PARD3: variants seen among roughly 807,000 people sequenced by gnomAD.
PARD3 encodes par-3 family cell polarity regulator.
Under a neutral mutation model 155.4 loss-of-function variants are expected in PARD3, and 75 were observed. The observed-to-expected ratio is 0.48, with a 90% CI of 0.40 to 0.58. PARD3 has a LOEUF of 0.58. PARD3 is among the 20% of genes least tolerant of loss of function. PARD3 has a pLI of 0.00. For missense variants in PARD3, 1,642 were observed against 1,721.7 expected (o/e 0.95, Z 0.82); for synonymous variants, 576 against 610.5 (o/e 0.94, Z 0.83).
chr10:34,556,493 T>C (rs894271272), intron 2 of PARD3, among the ~76,000 whole-genome samples: 2 of 151,474 alleles, frequency 1.3e-5, no homozygotes, highest in African/African-American at 4.8e-5. Context: ...CGCCATTCTC[T>C]CGCCTCAGCC....
At chr10:34,174,567 G>A (rs1046108597) in intron 22 of PARD3, among the ~76,000 whole-genome samples, 2 of 152,180 alleles carry the variant, frequency 1.3e-5, no homozygotes, top group Non-Finnish European at 2.9e-5. Flanking sequence ...GAGGCCACCT[G>A]TCTGGCTGGC....
chr10:34,306,770 T>C (rs1957432145), intron 20 of PARD3, among the ~76,000 whole-genome samples: 1 of 152,226 alleles, frequency 6.6e-6, no homozygotes, highest in Non-Finnish European at 1.5e-5. Flanking sequence ...GAGACGGCAG[T>C]GACATTGCCT....
chr10:34,600,746 T>C (rs992395826), intron 2 of PARD3, among the ~76,000 whole-genome samples: 1 of 152,148 alleles, frequency 6.6e-6, no homozygotes. Context: ...ATTTTATTCA[T>C]GTAAGTTCTA....
At chr10:34,343,736 C>T (rs1015934609) in intron 15 of PARD3, 1 of 984,842 alleles carries the variant, frequency 1.0e-6, no homozygotes, top group African/African-American at 1.7e-5. Flanking sequence ...AAATGTGAAA[C>T]CTTCTATGAC....
At chr10:34,427,381 T>C (rs1262915476) in intron 5 of PARD3, among the ~76,000 whole-genome samples, 3 of 152,156 alleles carry the variant, frequency 2.0e-5, no homozygotes, top group Non-Finnish European at 2.9e-5. Flanking sequence ...CAGACGTAGG[T>C]AGGGATGAAA....
At chr10:34,126,490 C>T (rs1008787878) in intron 23 of PARD3, among the ~76,000 whole-genome samples, 2 of 152,292 alleles carry the variant, frequency 1.3e-5, no homozygotes, top group African/African-American at 4.8e-5. Flanking sequence ...GTACACACAG[C>T]TTGAAGGTGA....
At chr10:34,245,276 C>G (rs539524984) in intron 22 of PARD3, among the ~76,000 whole-genome samples, 1 of 152,056 alleles carries the variant, frequency 6.6e-6, no homozygotes. Flanking sequence ...AGAAGGCATA[C>G]GTAACGGGGG....
intron 3 of PARD3, among the ~76,000 whole-genome samples, chr10:34,473,229 A>C (rs1355298666): frequency 6.6e-6 from 1 of 152,230 alleles, no homozygotes; most frequent in Non-Finnish European, 1.5e-5. Flanking sequence ...TTTATAAAAT[A>C]AATTAAAATA....
chr10:34,139,623 G>A (rs1030882912), intron 22 of PARD3, among the ~76,000 whole-genome samples: 5 of 152,200 alleles, frequency 3.3e-5, no homozygotes, highest in African/African-American at 1.2e-4. Context: ...GACTCCGGGA[G>A]AAACAGATGT....
chr10:34,543,709 A>C (rs1181738975), intron 2 of PARD3, among the ~76,000 whole-genome samples: 1 of 152,216 alleles, frequency 6.6e-6, no homozygotes, highest in Non-Finnish European at 1.5e-5. Flanking sequence ...ATTTAAAAGA[A>C]CCCTAATTAC....
intron 5 of PARD3, among the ~76,000 whole-genome samples, chr10:34,418,106 T>G (rs1418403): frequency 0.27 from 40,364 of 152,058 alleles, 6,667 homozygotes; most frequent in East Asian, 0.4. Context: ...AAAGTAAATT[T>G]TAAGTGTCTA....
chr10:34,188,527 C>T (rs559351915), intron 22 of PARD3, among the ~76,000 whole-genome samples: 112 of 152,122 alleles, frequency 7.4e-4, no homozygotes, highest in Non-Finnish European at 5.7e-4. Flanking sequence ...CACCAGCCAA[C>T]GGTACATGCA....
At chr10:34,521,727 A>AC (rs1184485709) in intron 2 of PARD3, among the ~76,000 whole-genome samples, 1 of 152,092 alleles carries the variant, frequency 6.6e-6, no homozygotes, top group African/African-American at 2.4e-5. Flanking sequence ...AAACATCAGA[A>AC]CCCCCCAACA....
intron 14 of PARD3, among the ~76,000 whole-genome samples, chr10:34,349,814 C>T (rs1390897276): frequency 3.3e-5 from 5 of 152,220 alleles, no homozygotes; most frequent in African/African-American, 9.6e-5. Context: ...TATAATGCTG[C>T]AATTTTCTAC....
At chr10:34,772,529 C>T (rs1839010045) in intron 1 of PARD3, among the ~76,000 whole-genome samples, 3 of 151,226 alleles carry the variant, frequency 2.0e-5, no homozygotes, top group Admixed American at 6.6e-5. Context: ...TGGTGGCTCA[C>T]GCCTGTAATC....
intron 5 of PARD3, among the ~76,000 whole-genome samples, chr10:34,441,803 T>A (rs1254361113): frequency 6.6e-6 from 1 of 152,190 alleles, no homozygotes; most frequent in Non-Finnish European, 1.5e-5. Flanking sequence ...AAAAATAATT[T>A]TAACACGTGT....
chr10:34,229,109 C>T lies in PARD3; in HGVS notation c.3419+40548G>A, dbSNP rs1037269737. Among the ~76,000 whole-genome samples the T allele has an allele frequency of 2.3e-4, 35 of 152,244 alleles. No individual in the cohort carries two copies. The Middle Eastern group carries it at 0.01, about 44-fold the overall frequency. The stretch of plus-strand genomic sequence containing the variant: ...TGTCCCTTTGACTCAGTCCTCACAA[C>T]AGCCACACGCCTAGCCAATGGGATC... On this transcript the variant is annotated intron_variant, in intron 22 of 24. Transcript: ENST00000374788.
chr10:34,293,120 C>T lies in PARD3; in HGVS notation c.3066-8875G>A, dbSNP rs148532076. On this transcript the variant is annotated intron_variant, in intron 20 of 24. Coordinates refer to ENST00000374788, the MANE Select transcript of PARD3 (RefSeq NM_001184785.2). The stretch of plus-strand genomic sequence containing the variant: ...GATTTAAGAGAAATAAAAGCAAACA[C>T]AGTAATCCTTCAAAACACAAGATAA... Among the ~76,000 whole-genome samples the T allele has an allele frequency of 8.5e-5, 13 of 152,214 alleles. No homozygotes were observed. The East Asian group carries it at 2.5e-3, about 29-fold the overall frequency.
At chr10:34,655,042 C>T (rs186076390) in intron 2 of PARD3, among the ~76,000 whole-genome samples, 2 of 151,526 alleles carry the variant, frequency 1.3e-5, no homozygotes, top group African/African-American at 4.9e-5. Context: ...CTGAGCACGT[C>T]AACAACTTTT....
Sources: gnomAD v4.1 joint callset for allele counts (sites outside exome capture counted in the v4.1 genomes callset) on GRCh38, gnomAD v4.1.1 for gene constraint, MANE v1.5 for transcripts, NCBI Gene and HGNC (gene_info 2026-07-23, HGNC 2026-07-21) for gene names.